The following DLGAP1 variants were observed in gnomAD, a reference collection of about 807,000 sequenced individuals.
The protein encoded by DLGAP1 is DLG associated protein 1, also known as disks large-associated protein 1.
A neutral mutation model predicts 90.8 loss-of-function variants in DLGAP1; 11 were observed. The observed-to-expected ratio is 0.12, with a 90% CI of 0.08 to 0.20. The LOEUF (loss-of-function observed/expected upper bound fraction) is 0.20, where lower values mean the gene tolerates loss of function less well. Ranked by LOEUF, DLGAP1 falls within the 10% of genes least tolerant of loss-of-function variation. The pLI is 1.00. For synonymous variants in DLGAP1, 558 were observed against 540.7 expected, an observed-to-expected ratio of 1.03 and a Z score of -0.44; for missense variants, 1,050 against 1,333.8, an observed-to-expected ratio of 0.79 and a Z score of 3.31.
At chr18:3,974,112 C>G (rs10083978) in intron 3 of DLGAP1, among the ~76,000 whole-genome samples, 70,931 of 151,708 alleles carry the variant, frequency 0.47, 16,933 homozygotes, top group African/African-American at 0.55. Flanking sequence ...GTCTCACTCC[C>G]TCGCCAGGCT....
chr18:3,658,004 C>A (rs2059562466), intron 7 of DLGAP1, among the ~76,000 whole-genome samples: 1 of 152,134 alleles, frequency 6.6e-6, no homozygotes, highest in African/African-American at 2.4e-5. Flanking sequence ...TCTCAGTTTG[C>A]CCTTTTCCCA....
intron 8 of DLGAP1, chr18:3,571,349 C>G (rs769778967): frequency 6.6e-6 from 1 of 151,882 alleles, no homozygotes; most frequent in Non-Finnish European, 1.5e-5. Flanking sequence ...CTTAGGCAAA[C>G]TGATGGTCCC....
At position 3,655,877 on chromosome 18, in the gene DLGAP1, C is replaced by T. The variant is rs538987855; in HGVS notation, c.1591+73258G>A. ...GAAACAGACATGTTGGTGCTGCCCT[C>T]TCAGGTCAGTGCAAATGCCACTTGA... On this transcript the variant is annotated intron_variant, in intron 7 of 12. Coordinates refer to ENST00000315677, the MANE Select transcript of DLGAP1 (RefSeq NM_004746.4). 4.9e-4 allele frequency: 250 copies of T among 509,312 alleles called. 1 individual carries two copies. The highest frequency in any genetic ancestry group is 1.4e-4 in the Non-Finnish European group (41 of 290,202). The allele number at this position is 509,312 out of a possible 1,614,324, so 31.5% of individuals were successfully genotyped here.
At position 4,257,970 on chromosome 18, in the gene DLGAP1, CATATGTGTGTGTGT is replaced by C. The variant is rs1227928494; in HGVS notation, c.-266-106697_-266-106684del. 9.5e-5 allele frequency among the ~76,000 whole-genome samples: 9 copies of C among 95,100 alleles called. No homozygotes were observed. The South Asian group carries it at 3.9e-3, about 41-fold the overall frequency. 62.4% of individuals were successfully genotyped at this position (95,100 alleles called of 152,430 possible). A position where few individuals can be genotyped will look rare whatever the true frequency, so the allele number is the denominator to read the frequency against. ...GTTATGGATTACAACAAGAGTTATA[CATATGTGTGTGTGT>C]GTGTGTGTGTGTGTGTGTGTGTGTG... On this transcript the variant is annotated intron_variant, in intron 1 of 12. Transcript: ENST00000315677.
At chr18:4,099,563 G>A (rs2075745321) in intron 2 of DLGAP1, among the ~76,000 whole-genome samples, 1 of 152,138 alleles carries the variant, frequency 6.6e-6, no homozygotes, top group Admixed American at 6.5e-5. Flanking sequence ...TGCTAAAAAT[G>A]CTAATGATCA....
In DLGAP1 at chr18:3,843,186, A is replaced by G. The variant is rs959249265; in HGVS notation, c.958-28913T>C. ...ATATTCTCTATTAATTAACTAACAC[A>G]GAGCTAATATGTGAGTTTGTAAATA... On this transcript the variant is annotated intron_variant, in intron 4 of 12. Transcript: ENST00000315677. 2.0e-5 allele frequency among the ~76,000 whole-genome samples: 3 copies of G among 152,206 alleles called. No homozygotes were observed. In the East Asian group the frequency reaches 5.8e-4, roughly 29 times the overall value.
Position 3,517,403 on chromosome 18 carries a change from T to G in DLGAP1, c.2480-8742A>C, listed in dbSNP as rs1454359928. 6.6e-6 allele frequency among the ~76,000 whole-genome samples: 1 copy of G among 152,254 alleles called. No individual in the cohort carries two copies. Among genetic ancestry groups the G allele is most frequent in the African/African-American group, 2.4e-5 (1 of 41,462 alleles). ...CTTACTGCAGCTTCTCCATCATCAC[T>G]AGGAATTCACCTTGCATTATATTAC... is the stretch of plus-strand genomic sequence containing the variant. On this transcript the variant is annotated intron_variant, in intron 10 of 12. Coordinates refer to ENST00000315677, the MANE Select transcript of DLGAP1 (RefSeq NM_004746.4). This position sits in a 1 kb window ranked among gnomAD's most constrained non-coding sequence, Gnocchi z 4.1.
intron 1 of DLGAP1, among the ~76,000 whole-genome samples, chr18:4,363,020 C>G (rs558807379): frequency 1.3e-5 from 2 of 152,174 alleles, no homozygotes; most frequent in African/African-American, 2.4e-5. Context: ...ACCAGAAAAG[C>G]CAACATCACA....
At chr18:4,412,017 TA>T (rs2082789782) in intron 1 of DLGAP1, among the ~76,000 whole-genome samples, 1 of 152,138 alleles carries the variant, frequency 6.6e-6, no homozygotes, top group African/African-American at 2.4e-5. Flanking sequence ...TCAGGGGAGT[TA>T]AAGCAGGGAA....
intron 10 of DLGAP1, among the ~76,000 whole-genome samples, chr18:3,520,822 C>G: frequency 6.6e-6 from 1 of 152,356 alleles, no homozygotes; most frequent in East Asian, 1.9e-4. Context: ...CCTTCGCTCT[C>G]GTATTTCTTC....
intron 1 of DLGAP1, among the ~76,000 whole-genome samples, chr18:4,170,682 G>A (rs2144582068): frequency 6.6e-6 from 1 of 152,180 alleles, no homozygotes; most frequent in South Asian, 2.1e-4. Context: ...TGGGGAAAAA[G>A]GAGTGAAGCT....
intron 7 of DLGAP1, among the ~76,000 whole-genome samples, chr18:3,716,962 C>G (rs2147287490): frequency 6.7e-6 from 1 of 149,484 alleles, no homozygotes; most frequent in East Asian, 2.0e-4. Flanking sequence ...GGTGCCGTCT[C>G]TATAAAAATT....
At chr18:3,928,944 C>A (rs966940120) in intron 3 of DLGAP1, among the ~76,000 whole-genome samples, 3 of 152,098 alleles carry the variant, frequency 2.0e-5, no homozygotes, top group African/African-American at 7.2e-5. Context: ...ACCATCCCCA[C>A]CAGTGCTGTC....
At chr18:3,867,590 AG>A (rs766704030) in intron 4 of DLGAP1, among the ~76,000 whole-genome samples, 3 of 152,134 alleles carry the variant, frequency 2.0e-5, no homozygotes, top group Non-Finnish European at 2.9e-5. Flanking sequence ...ACAGTGTTCC[AG>A]GAGTGTCATG....
chr18:4,079,461 A>G (rs1433593081), intron 2 of DLGAP1, among the ~76,000 whole-genome samples: 1 of 152,026 alleles, frequency 6.6e-6, no homozygotes, highest in Non-Finnish European at 1.5e-5. Flanking sequence ...CTGTATTCTC[A>G]CTTATAAGTA....
intron 1 of DLGAP1, among the ~76,000 whole-genome samples, chr18:4,323,389 T>C (rs868687726): frequency 2.0e-5 from 3 of 152,122 alleles, no homozygotes; most frequent in Admixed American, 6.5e-5. Context: ...TCTTAAAAGA[T>C]AAAAATAGAA....
chr18:3,698,069 C>T (rs1433003896), intron 7 of DLGAP1, among the ~76,000 whole-genome samples: 1 of 152,158 alleles, frequency 6.6e-6, no homozygotes, highest in Non-Finnish European at 1.5e-5. Context: ...TATTTTGAGC[C>T]TATGTGTGTC....
chr18:3,839,702 G>A (rs1370441311), intron 4 of DLGAP1, among the ~76,000 whole-genome samples: 2 of 152,158 alleles, frequency 1.3e-5, no homozygotes, highest in African/African-American at 4.8e-5. Flanking sequence ...AGACCCAGGA[G>A]GTCTTTTTCA....
At chr18:3,584,182 C>A (rs1185627029) in intron 7 of DLGAP1, among the ~76,000 whole-genome samples, 15 of 152,164 alleles carry the variant, frequency 9.9e-5, no homozygotes, top group Admixed American at 9.8e-4. Flanking sequence ...AAGTGGGACT[C>A]CGGTCAGTGA....
Sources: gnomAD v4.1 joint callset for allele counts (sites outside exome capture counted in the v4.1 genomes callset) on GRCh38, gnomAD v4.1.1 for gene constraint, Gnocchi (gnomAD v3.1) non-coding constraint, MANE v1.5 for transcripts, NCBI Gene and HGNC (gene_info 2026-07-23, HGNC 2026-07-21) for gene names.